Variants in SORCS3 observed in about 807,000 individuals in gnomAD.
SORCS3 encodes VPS10 domain-containing receptor SorCS3.
A neutral mutation model predicts 146.3 loss-of-function variants in SORCS3; 57 were observed. That is an observed-to-expected ratio of 0.39 (90% CI 0.31 to 0.49). The LOEUF is 0.49. Among genes scored for constraint, SORCS3 ranks in the 20% least tolerant of loss-of-function variants. The pLI, the probability that SORCS3 is intolerant of heterozygous loss-of-function variation, is 0.92. For missense variants in SORCS3, 1,341 were observed against 1,575.5 expected (o/e 0.85, Z 2.52); for synonymous variants, 653 against 618.5 (o/e 1.06, Z -0.83).
intron 1 of SORCS3, among the ~76,000 whole-genome samples, chr10:104,735,958 G>A (rs1270034351): frequency 6.6e-6 from 1 of 152,150 alleles, no homozygotes; most frequent in Non-Finnish European, 1.5e-5. Flanking sequence ...GACGCCAAAT[G>A]TCTGAATCTC....
chr10:104,934,247 A>C (rs1449096337), intron 3 of SORCS3, among the ~76,000 whole-genome samples: 4 of 152,216 alleles, frequency 2.6e-5, no homozygotes, highest in Non-Finnish European at 5.9e-5. Flanking sequence ...ATTGAATCCC[A>C]GACCTCATCT....
chr10:104,748,864 A>G (rs1213292802), intron 1 of SORCS3, among the ~76,000 whole-genome samples: 1 of 152,190 alleles, frequency 6.6e-6, no homozygotes, highest in African/African-American at 2.4e-5. Context: ...GAAAAAATAA[A>G]AAGAATTCTT....
At chr10:104,726,801 C>T (rs533024147) in intron 1 of SORCS3, among the ~76,000 whole-genome samples, 1 of 152,230 alleles carries the variant, frequency 6.6e-6, no homozygotes, top group African/African-American at 2.4e-5. Context: ...ATCTCCATTC[C>T]TCTGCCCTTT....
At chr10:104,975,279 G>T (rs971642201) in intron 3 of SORCS3, among the ~76,000 whole-genome samples, 10 of 152,062 alleles carry the variant, frequency 6.6e-5, no homozygotes, top group Non-Finnish European at 1.3e-4. Context: ...GACAAGCAGA[G>T]AGCCAAATCA....
intron 1 of SORCS3, among the ~76,000 whole-genome samples, chr10:104,821,216 C>A (rs565023419): frequency 5.9e-5 from 9 of 152,160 alleles, no homozygotes; most frequent in Admixed American, 1.3e-4. Context: ...GGAACATAGA[C>A]CCCACTTCTC....
At chr10:104,678,714 G>A (rs539562594) in intron 1 of SORCS3, among the ~76,000 whole-genome samples, 1 of 152,252 alleles carries the variant, frequency 6.6e-6, no homozygotes, top group East Asian at 1.9e-4. Context: ...TGCAATAATT[G>A]AATGATATTT....
chr10:104,971,881 T>C (rs1299031241), intron 3 of SORCS3, among the ~76,000 whole-genome samples: 3 of 152,136 alleles, frequency 2.0e-5, no homozygotes, highest in Non-Finnish European at 2.9e-5. Flanking sequence ...TGTTTCAAAA[T>C]AGACGGAATT....
chr10:104,677,235 GGA>G (rs1248095271), intron 1 of SORCS3, among the ~76,000 whole-genome samples: 7 of 152,172 alleles, frequency 4.6e-5, no homozygotes, highest in East Asian at 1.9e-4. Context: ...GGCATGTTTG[GGA>G]GAGAGGCTGC....
intron 3 of SORCS3, among the ~76,000 whole-genome samples, chr10:104,943,664 A>G (rs982753278): frequency 1.3e-5 from 2 of 152,194 alleles, no homozygotes; most frequent in Non-Finnish European, 2.9e-5. Flanking sequence ...TTGATTCAAA[A>G]CAATCTCAAT....
chr10:104,845,773 T>G (rs1045985713), intron 2 of SORCS3, among the ~76,000 whole-genome samples: 2 of 152,256 alleles, frequency 1.3e-5, no homozygotes, highest in East Asian at 3.9e-4. Context: ...ATATTCTTTA[T>G]AGAAAAGATT....
intron 1 of SORCS3, among the ~76,000 whole-genome samples, chr10:104,702,651 G>A: frequency 6.6e-6 from 1 of 152,158 alleles, no homozygotes; most frequent in Non-Finnish European, 1.5e-5. Context: ...TTCATCTTAA[G>A]AGCTATGAAC....
At chr10:105,033,433 A>G (rs1023327892) in intron 4 of SORCS3, among the ~76,000 whole-genome samples, 2 of 152,192 alleles carry the variant, frequency 1.3e-5, no homozygotes, top group African/African-American at 4.8e-5. Context: ...CATGTGTGAA[A>G]AGAACTGTCC....
At chr10:105,190,487 C>T (rs547554136) in intron 14 of SORCS3, among the ~76,000 whole-genome samples, 1 of 152,092 alleles carries the variant, frequency 6.6e-6, no homozygotes, top group South Asian at 2.1e-4. Flanking sequence ...CAACCTCTGC[C>T]TCCCGGGTTT....
In SORCS3 at chr10:105,115,425, A is replaced by G. The variant is rs536988947; in HGVS notation, c.1212+9910A>G. On this transcript the variant is annotated intron_variant, in intron 7 of 26. Transcript: ENST00000369701. ...TGCACATCCTCTTTTAAGGATTTTT[A>G]TAAGCCGATCACATAAAAGATTACT... Among the ~76,000 whole-genome samples, 5 of 152,358 alleles carry G rather than the reference A, an allele frequency of 3.3e-5. No individual in the cohort carries two copies. In the South Asian group the frequency reaches 1.0e-3, roughly 32 times the overall value.
chr10:104,686,531 G>A (rs1265611802), intron 1 of SORCS3, among the ~76,000 whole-genome samples: 1 of 152,156 alleles, frequency 6.6e-6, no homozygotes, highest in African/African-American at 2.4e-5. Flanking sequence ...GTCCCTGTGA[G>A]ACCAGTTCTA....
chr10:105,188,677 T>C (rs773807179), intron 14 of SORCS3, among the ~76,000 whole-genome samples: 19 of 152,220 alleles, frequency 1.2e-4, no homozygotes, highest in Non-Finnish European at 4.4e-5. Context: ...TTATGCTGCA[T>C]TTGTAAGTTA....
intron 1 of SORCS3, among the ~76,000 whole-genome samples, chr10:104,840,634 G>A (rs1026656924): frequency 3.9e-5 from 6 of 152,158 alleles, no homozygotes; most frequent in Admixed American, 1.3e-4. Flanking sequence ...AAGGAGGGAG[G>A]GAAAAAGCGG....
Position 105,095,588 on chromosome 10 carries a change from G to A in SORCS3, c.1093+5749G>A, listed in dbSNP as rs142328654. On this transcript the variant is annotated intron_variant, in intron 6 of 26. Transcript: ENST00000369701. ...GAATGACTCTCCAAGCCCTGGTAGAGGGTTGCACTGCCCTGGCTGAAGTGT... is the reference window on the plus strand; with the variant it reads ...GAATGACTCTCCAAGCCCTGGTAGAAGGTTGCACTGCCCTGGCTGAAGTGT... Among the ~76,000 whole-genome samples the A allele has an allele frequency of 2.6e-4, 39 of 152,218 alleles. No individual in the cohort carries two copies. In the East Asian group the frequency reaches 7.6e-3, roughly 30 times the overall value.
intron 1 of SORCS3, among the ~76,000 whole-genome samples, chr10:104,694,581 C>T (rs2016151655): frequency 6.6e-6 from 1 of 152,102 alleles, no homozygotes; most frequent in Non-Finnish European, 1.5e-5. Context: ...TATCCCACTC[C>T]CTGGGGGCAG....
Sources: gnomAD v4.1 joint callset for allele counts (sites outside exome capture counted in the v4.1 genomes callset) on GRCh38, gnomAD v4.1.1 for gene constraint, MANE v1.5 for transcripts, NCBI Gene and HGNC (gene_info 2026-07-23, HGNC 2026-07-21) for gene names.